GALNT2: variants seen among roughly 807,000 people sequenced by gnomAD.
GALNT2 encodes UDP-GalNAc:polypeptide N-acetylgalactosaminyltransferase 2.
In GALNT2, 31 loss-of-function variants were observed where a neutral mutation model predicts 81.4. The observed-to-expected ratio is 0.38, with a 90% CI of 0.29 to 0.51. GALNT2 has a LOEUF of 0.51. Ranked by LOEUF, GALNT2 falls within the 20% of genes least tolerant of loss-of-function variation. GALNT2 has a pLI of 0.87. For missense variants in GALNT2, 629 were observed against 765.7 expected (o/e 0.82, Z 2.11); for synonymous variants, 303 against 287.4 (o/e 1.05, Z -0.55).
chr1:230,152,513 C>T (rs1414691017), intron 1 of GALNT2, among the ~76,000 whole-genome samples: 1 of 152,102 alleles, frequency 6.6e-6, no homozygotes, highest in Non-Finnish European at 1.5e-5. Flanking sequence ...TTTTATGACA[C>T]CGTATGTGGA....
At chr1:230,180,587 A>G (rs1663130238) in intron 2 of GALNT2, among the ~76,000 whole-genome samples, 1 of 152,092 alleles carries the variant, frequency 6.6e-6, no homozygotes, top group Non-Finnish European at 1.5e-5. Context: ...TAGCTATTCC[A>G]GATCTTTTGC....
At chr1:230,255,538 G>A (rs928882621) in intron 11 of GALNT2, 194 bp downstream of exon 11, 38 of 649,912 alleles carry the variant, frequency 5.8e-5, no homozygotes, top group Admixed American at 1.7e-4. Flanking sequence ...AGGGCATGAT[G>A]CTGAGTGAGA....
chr1:230,224,936 C>T (rs1005657176), intron 3 of GALNT2, among the ~76,000 whole-genome samples: 4 of 152,342 alleles, frequency 2.6e-5, no homozygotes, highest in South Asian at 2.1e-4. Flanking sequence ...CTATTTTAGA[C>T]GAATAATTTC....
chr1:230,259,899 GGTTT>G (rs1296109242), intron 11 of GALNT2: 1 of 152,172 alleles, frequency 6.6e-6, no homozygotes, highest in African/African-American at 2.4e-5. Flanking sequence ...ACAAAAAGAG[GGTTT>G]GTTTGGGGAA....
intron 1 of GALNT2, among the ~76,000 whole-genome samples, chr1:230,106,594 C>T (rs932964516): frequency 1.3e-5 from 2 of 152,208 alleles, no homozygotes; most frequent in Non-Finnish European, 2.9e-5. Context: ...GATGATAGAA[C>T]AGTAATGCAT....
intron 14 of GALNT2, 121 bp downstream of exon 14, chr1:230,265,488 G>A: frequency 7.2e-7 from 1 of 1,380,796 alleles, no homozygotes; most frequent in South Asian, 1.3e-5. Flanking sequence ...CTATGAGGAA[G>A]CACCTGGCTC....
chr1:230,268,652 T>C (rs918082596), intron 14 of GALNT2, among the ~76,000 whole-genome samples: 1 of 152,186 alleles, frequency 6.6e-6, no homozygotes, highest in African/African-American at 2.4e-5. Flanking sequence ...TGCACCTTAA[T>C]TACCGCACAG....
At position 230,279,709 on chromosome 1, in the gene GALNT2, T is replaced by A; in HGVS notation, c.*251T>A. The stretch of plus-strand genomic sequence containing the variant: ...CCCCTTCCCCAGGCCGGAGCGCCCC[T>A]CTTCCTTCCAGCTTTCACTTCTGCC... On this transcript the variant is annotated 3_prime_UTR_variant, in exon 16 of 16. Transcript: ENST00000366672. The surrounding 1 kb of genome is among the most constrained non-coding windows in gnomAD (Gnocchi z 4.6). 1.8e-6 allele frequency: 1 copy of A among 558,602 alleles called. No individual in the cohort carries two copies. The highest frequency in any genetic ancestry group is 3.3e-6 in the Non-Finnish European group (1 of 303,168). The allele number at this position is 558,602 out of a possible 1,614,324, so 34.6% of individuals were successfully genotyped here. A position where few individuals can be genotyped will look rare whatever the true frequency, so the allele number is the denominator to read the frequency against.
intron 7 of GALNT2, among the ~76,000 whole-genome samples, chr1:230,244,928 T>C (rs1038406438): frequency 6.6e-6 from 1 of 152,222 alleles, no homozygotes; most frequent in Admixed American, 6.5e-5. Context: ...GTTCTGTTAC[T>C]AAGTTGTATT....
chr1:230,099,067 A>G (rs1396519400), intron 1 of GALNT2, among the ~76,000 whole-genome samples: 2 of 152,198 alleles, frequency 1.3e-5, no homozygotes, highest in Non-Finnish European at 2.9e-5. Context: ...CATGTAGCCA[A>G]GGACTTTCAA....
intron 11 of GALNT2, among the ~76,000 whole-genome samples, chr1:230,255,692 T>C (rs1665690718): frequency 6.6e-6 from 1 of 152,032 alleles, no homozygotes; most frequent in Admixed American, 6.5e-5. Context: ...CCAGGGATGT[T>C]TGGAGGAGGG....
At chr1:230,159,572 C>G (rs1662367116) in intron 1 of GALNT2, among the ~76,000 whole-genome samples, 1 of 152,150 alleles carries the variant, frequency 6.6e-6, no homozygotes, top group Non-Finnish European at 1.5e-5. Context: ...AAGTTTGGGC[C>G]ATGAGGTCCA....
At position 230,271,967 on chromosome 1, in the gene GALNT2, C is replaced by A. The variant is rs1392448856; in HGVS notation, c.1441-2478C>A. ...TGGTGACCAGCCCCGTCCAGGAGCC[C>A]ATTAGAGTTGCTTCATTAGAACAAG... On this transcript the variant is annotated intron_variant, in intron 14 of 15. Coordinates refer to ENST00000366672, the MANE Select transcript of GALNT2 (RefSeq NM_004481.5). The surrounding 1 kb of genome is among the most constrained non-coding windows in gnomAD (Gnocchi z 4.2). Among the ~76,000 whole-genome samples the A allele has an allele frequency of 6.6e-6, 1 of 152,160 alleles. No homozygotes were observed. Among genetic ancestry groups the A allele is most frequent in the Admixed American group, 6.5e-5 (1 of 15,276 alleles).
intron 1 of GALNT2, among the ~76,000 whole-genome samples, chr1:230,121,456 ATCCTGGTTGCATTCCCTCACTCCCCTC>A: frequency 6.6e-6 from 1 of 152,048 alleles, no homozygotes; most frequent in African/African-American, 2.4e-5. Flanking sequence ...TTCTGTCTCC[ATCCTGGTTGCATTCCCTCACTCCCCTC>A]TTCTTTGTCC....
chr1:230,277,626 G>T (rs932435518), intron 15 of GALNT2, among the ~76,000 whole-genome samples: 1 of 152,174 alleles, frequency 6.6e-6, no homozygotes, highest in Non-Finnish European at 1.5e-5. Context: ...TTCCCTGCTG[G>T]CAAGAACTCC....
At chr1:230,230,122 G>A (rs1166067773) in intron 3 of GALNT2, among the ~76,000 whole-genome samples, 1 of 152,176 alleles carries the variant, frequency 6.6e-6, no homozygotes, top group African/African-American at 2.4e-5. Context: ...TAAACACACA[G>A]TGATGTCAGT....
chr1:230,062,006 A>G (rs538155029), intron 1 of GALNT2, among the ~76,000 whole-genome samples: 2 of 152,356 alleles, frequency 1.3e-5, no homozygotes, highest in African/African-American at 2.4e-5. Flanking sequence ...CCTGGATATT[A>G]CGCTATATGT....
intron 1 of GALNT2, among the ~76,000 whole-genome samples, chr1:230,068,040 C>G (rs1395693642): frequency 6.6e-6 from 1 of 152,222 alleles, no homozygotes; most frequent in Non-Finnish European, 1.5e-5. Flanking sequence ...CCCGGCCGTT[C>G]CCTTGCGGCC....
chr1:230,083,614 A>G (rs1230062298), intron 1 of GALNT2, among the ~76,000 whole-genome samples: 1 of 152,180 alleles, frequency 6.6e-6, no homozygotes, highest in African/African-American at 2.4e-5. Context: ...ATTATGTTAA[A>G]ATGTTTGAAA....
Sources: gnomAD v4.1 joint callset for allele counts (sites outside exome capture counted in the v4.1 genomes callset) on GRCh38, gnomAD v4.1.1 for gene constraint, Gnocchi (gnomAD v3.1) non-coding constraint, MANE v1.5 for transcripts, NCBI Gene and HGNC (gene_info 2026-07-23, HGNC 2026-07-21) for gene names.